ABI1: variants seen among roughly 807,000 people sequenced by gnomAD.
The protein encoded by ABI1 is abl interactor 1.
In ABI1, 14 loss-of-function variants were observed where a neutral mutation model predicts 54.6. The observed-to-expected ratio is 0.26, with a 90% CI of 0.17 to 0.40. The LOEUF (loss-of-function observed/expected upper bound fraction) is 0.40, where lower values mean the gene tolerates loss of function less well. Among genes scored for constraint, ABI1 ranks in the 10% least tolerant of loss-of-function variants. ABI1 has a pLI of 1.00. For missense variants in ABI1, 443 were observed against 598.3 expected (o/e 0.74, Z 2.71); for synonymous variants, 194 against 209.3 (o/e 0.93, Z 0.63).
intron 1 of ABI1, among the ~76,000 whole-genome samples, chr10:26,852,802 C>T (rs1392709922): frequency 6.6e-6 from 1 of 152,146 alleles, no homozygotes; most frequent in African/African-American, 2.4e-5. Context: ...CATGGTGGCT[C>T]ACGCCTGTAA....
intron 2 of ABI1, among the ~76,000 whole-genome samples, chr10:26,820,923 A>C (rs2047934354): frequency 6.6e-6 from 1 of 152,070 alleles, no homozygotes; most frequent in South Asian, 2.1e-4. Flanking sequence ...AAGTAAATTA[A>C]ATGACCTTGG....
At chr10:26,761,669 CACAT>C (rs1839242613) in intron 7 of ABI1, among the ~76,000 whole-genome samples, 1 of 116,868 alleles carries the variant, frequency 8.6e-6, no homozygotes, top group Non-Finnish European at 1.8e-5. Context: ...TATACACACA[CACAT>C]ACACATATAT....
chr10:26,834,586 C>T (rs1023161592), intron 1 of ABI1, among the ~76,000 whole-genome samples: 8 of 149,442 alleles, frequency 5.4e-5, no homozygotes, highest in African/African-American at 2.0e-4. Context: ...CACACACACA[C>T]ACACACACAA....
At chr10:26,847,693 C>A (rs1220144418) in intron 1 of ABI1, among the ~76,000 whole-genome samples, 5 of 151,860 alleles carry the variant, frequency 3.3e-5, no homozygotes, top group Admixed American at 2.0e-4. Context: ...AAATAGGCTT[C>A]TCAAACCTTT....
intron 1 of ABI1, among the ~76,000 whole-genome samples, chr10:26,847,916 C>T (rs562482205): frequency 1.9e-4 from 29 of 151,980 alleles, no homozygotes; most frequent in African/African-American, 7.0e-4. Flanking sequence ...ACCTGGGAGG[C>T]TCACATGTTG....
intron 4 of ABI1, chr10:26,770,586 T>C (rs945992997): frequency 1.5e-6 from 1 of 676,174 alleles, no homozygotes; most frequent in Non-Finnish European, 2.7e-6. Flanking sequence ...GGATTTAATA[T>C]CTTATTTTAT....
chr10:26,788,913 A>AT, intron 2 of ABI1: 1 of 77,104 alleles, frequency 1.3e-5, no homozygotes, highest in Non-Finnish European at 2.7e-5. Flanking sequence ...ACTCCGTCTC[A>AT]AAAAAAAAAA....
At position 26,853,313 on chromosome 10, in the gene ABI1, A is replaced by T. The variant is rs540309925; in HGVS notation, c.117+7434T>A. On this transcript the variant is annotated intron_variant, in intron 1 of 10. Transcript: ENST00000376140. ...CTCAACAATGCCCTTTTTTTTTTTT[A>T]AAAAAAATCCCTTTTTTCTAACATG... Among the ~76,000 whole-genome samples, 1,109 of 118,404 alleles carry T rather than the reference A, an allele frequency of 9.4e-3. 11 individuals carry two copies. Among genetic ancestry groups the T allele is most frequent in the African/African-American group, 0.038 (882 of 23,276 alleles). 77.7% of individuals were successfully genotyped at this position (118,404 alleles called of 152,430 possible).
intron 2 of ABI1, among the ~76,000 whole-genome samples, chr10:26,818,660 T>C (rs1156340302): frequency 7.4e-6 from 1 of 135,510 alleles, no homozygotes; most frequent in Non-Finnish European, 1.5e-5. Context: ...GAGCAAAGCA[T>C]TGTGGGGTTT....
intron 10 of ABI1, 53 bp downstream of exon 10, chr10:26,751,545 A>G: frequency 1.3e-6 from 2 of 1,552,980 alleles, no homozygotes; most frequent in Non-Finnish European, 1.7e-6. Context: ...ATAGTTCTAA[A>G]TTTCTACAAT....
At chr10:26,800,353 C>G (rs779096315) in intron 2 of ABI1, among the ~76,000 whole-genome samples, 4 of 152,150 alleles carry the variant, frequency 2.6e-5, no homozygotes, top group Non-Finnish European at 5.9e-5. Context: ...CCACTGCACT[C>G]CAGCCTGGGG....
chr10:26,752,778 T>C (rs1837799413), intron 9 of ABI1, among the ~76,000 whole-genome samples: 1 of 152,164 alleles, frequency 6.6e-6, no homozygotes, highest in Non-Finnish European at 1.5e-5. Flanking sequence ...ACTAGTATAA[T>C]ATCAGGTAAA....
chr10:26,820,504 T>G (rs2047899142), intron 2 of ABI1, among the ~76,000 whole-genome samples: 1 of 147,836 alleles, frequency 6.8e-6, no homozygotes, highest in Non-Finnish European at 1.5e-5. Flanking sequence ...CAGAAAGAAA[T>G]AAAAAAGCAA....
intron 1 of ABI1, among the ~76,000 whole-genome samples, chr10:26,839,238 T>G (rs747081534): frequency 2.0e-5 from 3 of 152,258 alleles, no homozygotes; most frequent in Non-Finnish European, 4.4e-5. Flanking sequence ...GGCTGACACC[T>G]GTAATCCCAG....
intron 3 of ABI1, among the ~76,000 whole-genome samples, chr10:26,771,340 C>T (rs1840663713): frequency 6.6e-6 from 1 of 152,140 alleles, no homozygotes; most frequent in Non-Finnish European, 1.5e-5. Context: ...CTCATGCAGG[C>T]TCAATGATTT....
intron 1 of ABI1, among the ~76,000 whole-genome samples, chr10:26,853,044 T>A (rs574085084): frequency 1.3e-5 from 2 of 152,134 alleles, no homozygotes; most frequent in African/African-American, 4.8e-5. Context: ...AAAGTACTTA[T>A]TTGGATTGAC....
intron 2 of ABI1, among the ~76,000 whole-genome samples, chr10:26,807,758 G>C (rs2046965900): frequency 6.6e-6 from 1 of 152,100 alleles, no homozygotes; most frequent in South Asian, 2.1e-4. Flanking sequence ...TTTCCTAACT[G>C]AGTTTTAGCT....
intron 6 of ABI1, among the ~76,000 whole-genome samples, 195 bp from the exon 7 acceptor site, chr10:26,765,513 A>C (rs1431337018): frequency 6.6e-6 from 1 of 152,138 alleles, no homozygotes; most frequent in Non-Finnish European, 1.5e-5. Context: ...GGCCCTACAG[A>C]ACCAGTGGAC....
chr10:26,829,022 C>T (rs568729306), intron 1 of ABI1, among the ~76,000 whole-genome samples: 3 of 151,554 alleles, frequency 2.0e-5, no homozygotes, highest in East Asian at 1.9e-4. Flanking sequence ...CTCAGGAGAT[C>T]GAGACCATCC....
Sources: allele counts gnomAD v4.1 joint callset (sites outside exome capture counted in the v4.1 genomes callset), GRCh38; gene constraint gnomAD v4.1.1; transcripts MANE v1.5; gene names NCBI Gene and HGNC (gene_info 2026-07-23, HGNC 2026-07-21).